SEL1L3: variants seen among roughly 807,000 people sequenced by gnomAD.
The protein encoded by SEL1L3 is protein sel-1 homolog 3.
In SEL1L3, 76 loss-of-function variants were observed where a neutral mutation model predicts 142.8. The ratio of observed to expected loss-of-function variants is 0.53; its 90% CI spans 0.44 to 0.64. The LOEUF is 0.64. Among genes scored for constraint, SEL1L3 ranks in the 30% least tolerant of loss-of-function variants. SEL1L3 has a pLI of 0.00. For synonymous variants in SEL1L3, 504 were observed against 519.6 expected, an observed-to-expected ratio of 0.97 and a Z score of 0.41; for missense variants, 1,262 against 1,381.7, an observed-to-expected ratio of 0.91 and a Z score of 1.37.
At chr4:25,831,527 T>C (rs1715445499) in intron 5 of SEL1L3, among the ~76,000 whole-genome samples, 1 of 146,230 alleles carries the variant, frequency 6.8e-6, no homozygotes, top group Non-Finnish European at 1.5e-5. Context: ...ATTATTATTA[T>C]TATTATTATT....
the SEL1L3 span, chr4:25,719,219 A>G: frequency 2.0e-5 from 3 of 152,154 alleles, no homozygotes; most frequent in African/African-American, 7.2e-5. Flanking sequence ...TATTACTAGC[A>G]TATTTAGTGA....
intron 11 of SEL1L3, among the ~76,000 whole-genome samples, chr4:25,794,164 A>G (rs978687503): frequency 6.6e-6 from 1 of 152,264 alleles, no homozygotes; most frequent in Non-Finnish European, 1.5e-5. Flanking sequence ...AAAAGCAAAC[A>G]TTAACAAATG....
At chr4:25,781,021 T>C (rs1719965085) in intron 15 of SEL1L3, among the ~76,000 whole-genome samples, 2 of 151,654 alleles carry the variant, frequency 1.3e-5, no homozygotes, top group African/African-American at 4.8e-5. Flanking sequence ...TGAGGGTTTG[T>C]ATTTTTAGAG....
At chr4:25,790,405 C>A (rs757269643) in intron 12 of SEL1L3, 50 bp downstream of exon 12, 2 of 1,585,426 alleles carry the variant, frequency 1.3e-6, no homozygotes, top group Non-Finnish European at 1.7e-6. Flanking sequence ...CGGTATAACC[C>A]AGTCTATCAT....
the SEL1L3 span, among the ~76,000 whole-genome samples, chr4:25,724,440 G>A: frequency 2.0e-5 from 3 of 151,158 alleles, no homozygotes; most frequent in South Asian, 2.1e-4. Context: ...AAAAGACAAG[G>A]TAAAAGAAAA....
At chr4:25,733,694 T>C in the SEL1L3 span, among the ~76,000 whole-genome samples, 2 of 152,046 alleles carry the variant, frequency 1.3e-5, no homozygotes, top group East Asian at 3.9e-4. Context: ...CTAATTTTTG[T>C]ATTTTTAGTA....
chr4:25,855,488 G>A lies in SEL1L3; in HGVS notation c.162+7187C>T, dbSNP rs569728646. 5.3e-5 allele frequency among the ~76,000 whole-genome samples: 8 copies of A among 152,312 alleles called. No individual in the cohort carries two copies. The East Asian group carries it at 1.5e-3, about 29-fold the overall frequency. On this transcript the variant is annotated intron_variant, in intron 1 of 23. Coordinates refer to ENST00000399878, the MANE Select transcript of SEL1L3 (RefSeq NM_015187.5). ...TAAAGCACTGGGGCTGGGCACGGTG[G>A]CTCATGCCTGTAATCCCAGCACTTT...
chr4:25,806,040 T>G (rs1008862981), intron 9 of SEL1L3, among the ~76,000 whole-genome samples: 1 of 136,522 alleles, frequency 7.3e-6, no homozygotes, highest in African/African-American at 2.7e-5. Context: ...TTGTTTTGTT[T>G]GTTTTTTTTT....
the SEL1L3 span, among the ~76,000 whole-genome samples, chr4:25,740,739 G>T: frequency 6.6e-6 from 1 of 152,122 alleles, no homozygotes; most frequent in African/African-American, 2.4e-5. Context: ...TGAGACTGGA[G>T]AATTTGTTTC....
At chr4:25,849,904 G>C (rs1716773386) in intron 1 of SEL1L3, among the ~76,000 whole-genome samples, 1 of 152,194 alleles carries the variant, frequency 6.6e-6, no homozygotes, top group Non-Finnish European at 1.5e-5. Flanking sequence ...AAGCCCAAGG[G>C]TGCATAGCAC....
intron 1 of SEL1L3, among the ~76,000 whole-genome samples, chr4:25,848,324 AG>A (rs1326740973): frequency 1.3e-5 from 2 of 152,238 alleles, no homozygotes; most frequent in Admixed American, 1.3e-4. Context: ...TGCACCCTCG[AG>A]GGAACATAAC....
At chr4:25,736,988 T>TTTTTTCTC in the SEL1L3 span, among the ~76,000 whole-genome samples, 1 of 150,954 alleles carries the variant, frequency 6.6e-6, no homozygotes, top group Non-Finnish European at 1.5e-5. Context: ...TTTCTTTTTC[T>TTTTTTCTC]TTTTTTTCTT....
chr4:25,862,383 T>C (rs1717779137), intron 1 of SEL1L3, among the ~76,000 whole-genome samples: 1 of 145,940 alleles, frequency 6.9e-6, no homozygotes, highest in Non-Finnish European at 1.5e-5. Flanking sequence ...CCGGGTGGAG[T>C]CGAGGACAAG....
At chr4:25,751,961 T>C (rs1445325037) in intron 23 of SEL1L3, among the ~76,000 whole-genome samples, 1 of 151,722 alleles carries the variant, frequency 6.6e-6, no homozygotes, top group East Asian at 1.9e-4. Flanking sequence ...ATACAAAATT[T>C]AGCTGGGTGT....
chr4:25,805,487 C>G (rs116707178), intron 9 of SEL1L3, among the ~76,000 whole-genome samples: 1,840 of 152,292 alleles, frequency 0.012, 19 homozygotes, highest in Non-Finnish European at 0.017. Flanking sequence ...TCACAGTCAC[C>G]CTGATGCACG....
chr4:25,862,561 G>C (rs1009358746), intron 1 of SEL1L3, 114 bp downstream of exon 1: 6 of 492,294 alleles, frequency 1.2e-5, no homozygotes, highest in African/African-American at 2.0e-5. Context: ...ACGAGGAAGA[G>C]AGAAAACTAG....
chr4:25,743,382 T>C (rs181770400), downstream of SEL1L3, among the ~76,000 whole-genome samples: 15 of 152,310 alleles, frequency 9.8e-5, no homozygotes, highest in Admixed American at 2.0e-4. Flanking sequence ...CTACCCTCTG[T>C]TAACCCAAAA....
intron 1 of SEL1L3, among the ~76,000 whole-genome samples, chr4:25,848,632 C>T (rs893908355): frequency 3.9e-5 from 6 of 152,190 alleles, no homozygotes; most frequent in African/African-American, 1.4e-4. Flanking sequence ...GTATCCAAAA[C>T]ACAATAGAAA....
At chr4:25,777,930 G>T in intron 16 of SEL1L3, 1 of 451,792 alleles carries the variant, frequency 2.2e-6, no homozygotes, top group Non-Finnish European at 4.4e-6. Context: ...AAGCTTTGTG[G>T]GCCACATATA....
Sources: allele counts gnomAD v4.1 joint callset (sites outside exome capture counted in the v4.1 genomes callset), GRCh38; gene constraint gnomAD v4.1.1; transcripts MANE v1.5; gene names NCBI Gene and HGNC (gene_info 2026-07-23, HGNC 2026-07-21).